Variants in CITED2 observed in about 807,000 individuals in gnomAD.
The protein encoded by CITED2 is Cbp/p300 interacting transactivator with ED-rich tail 2.
A neutral mutation model predicts 11.8 loss-of-function variants in CITED2; 2 were observed. The ratio of observed to expected loss-of-function variants is 0.17; its 90% CI spans 0.07 to 0.54. The LOEUF (loss-of-function observed/expected upper bound fraction) is 0.54. Among genes scored for constraint, CITED2 ranks in the 20% least tolerant of loss-of-function variants. The probability of loss-of-function intolerance (pLI) is 0.94; values close to 1 mark genes in which losing one functional copy is unlikely to be tolerated. For synonymous variants in CITED2, 210 were observed against 153.0 expected (o/e 1.37, Z -2.75); for missense variants, 437 against 390.2 (o/e 1.12, Z -1.01).
At position 139,374,505 on chromosome 6, in the gene CITED2, G is replaced by A. The variant is rs886281249; in HGVS notation, c.-101C>T. 7 of 238,126 alleles carry A rather than the reference G, an allele frequency of 2.9e-5. No homozygotes were observed. The Admixed American group carries it at 3.3e-4, about 11-fold the overall frequency. 14.8% of individuals were successfully genotyped at this position (238,126 alleles called of 1,614,324 possible). ...AGCACATAGAGGGGACCTTCCTGGC[G>A]TGCAAAGCGCTTCGCTGTCGCGATG... On this transcript the variant is annotated 5_prime_UTR_variant, in exon 1 of 2. In the 5' UTR this introduces an upstream ATG that the reference lacks. Transcript: ENST00000367651.
Position 139,373,690 on chromosome 6 carries a change from G to A in CITED2, c.255C>T (p.Ser85=), listed in dbSNP as rs151311908. Residue 85 remains serine (S), a synonymous_variant, in exon 2 of 2, where the codon AGC becomes AGT. Transcript: ENST00000367651. The part of the protein sequence containing the change: ...PGTVNGGHPP[S]ALAPAARFNN... ...TAAACCTGGCCGCGGGGGCCAGCGC[G>A]CTCGGGGGGTGCCCTCCGTTCACAG... 5 of 1,611,012 alleles carry A rather than the reference G, an allele frequency of 3.1e-6. No individual in the cohort carries two copies. The highest frequency in any genetic ancestry group is 4.2e-6 in the Non-Finnish European group (5 of 1,179,722).
Position 139,373,301 on chromosome 6 carries a change from G to A in CITED2, c.644C>T (p.Pro215Leu). ...VAHVPAAMLP[P>L]NVIDTDFIDE... is the part of the protein sequence containing the mutation. The stretch of plus-strand genomic sequence containing the variant: ...GATGAAATCAGTGTCTATGACATTG[G>A]GCGGCAGCATTGCAGCGGGGACGTG... Residue 215 changes from proline (P) to leucine (L), a missense_variant, in exon 2 of 2, where the codon CCC (proline) becomes CTC (leucine). This residue lies in a region of CITED2 where 396 missense variants were observed against 325.2 expected (regional missense o/e 1.22). Transcript: ENST00000367651. 6.2e-7 allele frequency: 1 copy of A among 1,613,692 alleles called. No homozygotes were observed. Among genetic ancestry groups the A allele is most frequent in the Non-Finnish European group, 8.5e-7 (1 of 1,180,016 alleles).
rs752543125 is a variant in CITED2, at chr6:139,373,359, T to TGCC, written c.583_585dup (p.Gly195dup). The TGCC allele has an allele frequency of 2.1e-5, 34 of 1,591,122 alleles. No homozygotes were observed. Among genetic ancestry groups the TGCC allele is most frequent in the Non-Finnish European group, 2.6e-5 (31 of 1,170,730 alleles). On this transcript the variant is annotated inframe_insertion, in exon 2 of 2. Transcript: ENST00000367651. ...GAGGCGGGCATGTTGCCGCTGCCGCTGCCGCCGCCGCTGTTGCTGCTGCCC... is the reference window on the plus strand; with the variant it reads ...GAGGCGGGCATGTTGCCGCTGCCGCTGCCGCCGCCGCCGCTGTTGCTGCTGCCC...
intron 1 of CITED2, chr6:139,374,199 C>G: frequency 7.0e-7 from 1 of 1,437,140 alleles, no homozygotes; most frequent in Admixed American, 2.7e-5. Context: ...GGGACCCGAG[C>G]CCACACCCCC....
chr6:139,371,938 GATA>G lies in CITED2; in HGVS notation c.*1191_*1193del, dbSNP rs565246043. 9.3e-5 allele frequency: 14 copies of G among 151,092 alleles called. 1 individual carries two copies. In the East Asian group the frequency reaches 2.3e-3, roughly 25 times the overall value. The allele number at this position is 151,092 out of a possible 1,614,324, so 9.4% of individuals were successfully genotyped here. A position where few individuals can be genotyped will look rare whatever the true frequency, so the allele number is the denominator to read the frequency against. On this transcript the variant is annotated 3_prime_UTR_variant, in exon 2 of 2. Transcript: ENST00000367651. ...TTTTTGCCTCCTGCCCATTGAAAAA[GATA>G]ATGTTGAGTATTGCAAACCTTTCTA... is the stretch of plus-strand genomic sequence containing the variant.
Position 139,373,290 on chromosome 6 carries a change from C to G in CITED2, c.655G>C (p.Asp219His), listed in dbSNP as rs746639456. The change falls in exon 2 of 2, where the codon GAC (aspartate) becomes CAC (histidine). Residue 219 changes from aspartate to histidine, a missense_variant. Physicochemically the swap from Asp to His is moderately conservative, Grantham distance 81. Around this residue, in one of 3 missense-constraint regions of CITED2, gnomAD observed 396 missense variants for 325.2 expected, o/e 1.22. Coordinates refer to ENST00000367651, the MANE Select transcript of CITED2 (RefSeq NM_006079.5). ...ACTTCCTCGTCGATGAAATCAGTGT[C>G]TATGACATTGGGCGGCAGCATTGCA... ...PAAMLPPNVI[D>H]TDFIDEEVLM... 6.2e-7 allele frequency: 1 copy of G among 1,613,930 alleles called. No homozygotes were observed. The highest frequency in any genetic ancestry group is 1.1e-5 in the South Asian group (1 of 91,086).
rs1778335054 is a variant in CITED2, at chr6:139,374,416, C to T, written c.-12G>A. On this transcript the variant is annotated 5_prime_UTR_variant, in exon 1 of 2. Coordinates refer to ENST00000367651, the MANE Select transcript of CITED2 (RefSeq NM_006079.5). ...CAGCTTCGCCCGTCGCGCTTACCTT[C>T]CGTTTTTGCGATTTCTGCTCCGAAG... 4.6e-6 allele frequency: 2 copies of T among 433,462 alleles called. No homozygotes were observed. Among genetic ancestry groups the T allele is most frequent in the Non-Finnish European group, 8.2e-6 (2 of 244,784 alleles). 26.9% of individuals were successfully genotyped at this position (433,462 alleles called of 1,614,324 possible).
rs1778283515 is a variant in CITED2 at position 139,373,048 on chromosome 6, GAT to G, written c.*82_*83del. The G allele has an allele frequency of 8.1e-6, 10 of 1,229,264 alleles. No homozygotes were observed. In the South Asian group the frequency reaches 1.2e-4, roughly 15 times the overall value. 76.1% of individuals were successfully genotyped at this position (1,229,264 alleles called of 1,614,324 possible). On this transcript the variant is annotated 3_prime_UTR_variant, in exon 2 of 2. Coordinates refer to ENST00000367651, the MANE Select transcript of CITED2 (RefSeq NM_006079.5). ...AAACCTTTCAAGATCTGAAAAGTGA[GAT>G]ACTGTGTCTAAGGGAATGTTTCTTT...
Position 139,373,046 on chromosome 6 carries a change from G to A in CITED2, c.*86C>T. On this transcript the variant is annotated 3_prime_UTR_variant, in exon 2 of 2. Transcript: ENST00000367651. ...TCAAACCTTTCAAGATCTGAAAAGT[G>A]AGATACTGTGTCTAAGGGAATGTTT... 8.2e-6 allele frequency: 10 copies of A among 1,219,982 alleles called. No individual in the cohort carries two copies. Among genetic ancestry groups the A allele is most frequent in the Non-Finnish European group, 1.2e-5 (10 of 822,156 alleles). The allele number at this position is 1,219,982 out of a possible 1,614,324, so 75.6% of individuals were successfully genotyped here. A position where few individuals can be genotyped will look rare whatever the true frequency, so the allele number is the denominator to read the frequency against.
At position 139,372,457 on chromosome 6, in the gene CITED2, A is replaced by T. The variant is rs377226526; in HGVS notation, c.*675T>A. The T allele has an allele frequency of 6.6e-6, 1 of 150,418 alleles. No homozygotes were observed. The highest frequency in any genetic ancestry group is 1.5e-5 in the Non-Finnish European group (1 of 67,732). The allele number at this position is 150,418 out of a possible 1,614,324, so 9.3% of individuals were successfully genotyped here. A position where few individuals can be genotyped will look rare whatever the true frequency, so the allele number is the denominator to read the frequency against. On this transcript the variant is annotated 3_prime_UTR_variant, in exon 2 of 2. Transcript: ENST00000367651. Reference sequence around the variant, plus strand: ...GACAGAAACAAAATAAAAATCTGTGAAATGTTTGCCACTGACGACATTCCA... The same window carrying T: ...GACAGAAACAAAATAAAAATCTGTGTAATGTTTGCCACTGACGACATTCCA...
intron 1 of CITED2, 124 bp downstream of exon 1, chr6:139,374,289 A>C (rs1391052702): frequency 1.0e-6 from 1 of 956,136 alleles, no homozygotes; most frequent in Non-Finnish European, 1.5e-6. Flanking sequence ...AGCCCTCCTC[A>C]TCCTGTTGTT....
In CITED2 at chr6:139,374,466, A is replaced by T; in HGVS notation, c.-62T>A. 2.9e-6 allele frequency: 1 copy of T among 342,572 alleles called. No individual in the cohort carries two copies. The highest frequency in any genetic ancestry group is 5.4e-6 in the Non-Finnish European group (1 of 185,918). 21.2% of individuals were successfully genotyped at this position (342,572 alleles called of 1,614,324 possible). A position where few individuals can be genotyped will look rare whatever the true frequency, so the allele number is the denominator to read the frequency against. ...GACCGAGGGCGGGCTCGTCGCGTCC[A>T]GGACCGGCTCAGCAGCACATAGAGG... On this transcript the variant is annotated 5_prime_UTR_variant, in exon 1 of 2. Transcript: ENST00000367651.
chr6:139,374,185 C>G lies in CITED2; in HGVS notation c.-9+228G>C, dbSNP rs188541960. The stretch of plus-strand genomic sequence containing the variant: ...AACAGCCCCTTCCCCTGCGATCGGG[C>G]GGGGGGACCCGAGCCCACACCCCCT... On this transcript the variant is annotated intron_variant, in intron 1 of 1. Coordinates refer to ENST00000367651, the MANE Select transcript of CITED2 (RefSeq NM_006079.5). 3.9e-3 allele frequency: 5,690 copies of G among 1,441,418 alleles called. 10 individuals are homozygous for G. The highest frequency in any genetic ancestry group is 0.01 in the Middle Eastern group (39 of 3,896). The allele number at this position is 1,441,418 out of a possible 1,614,324, so 89.3% of individuals were successfully genotyped here.
chr6:139,373,459 G>A lies in CITED2; in HGVS notation c.486C>T (p.Gly162=), dbSNP rs1174511407. Reference sequence around the variant, plus strand: ...CCGAGCCGCCGGGGGTGCTGCTGCCGCCGCTGTGCTTGGGGTTGCAATCTC... The same window carrying A: ...CCGAGCCGCCGGGGGTGCTGCTGCCACCGCTGTGCTTGGGGTTGCAATCTC... The part of the protein sequence containing the change: ...HFRDCNPKHS[G]GSSTPGGSGG... Residue 162 remains glycine, a synonymous_variant, in exon 2 of 2, where the codon GGC becomes GGT. Transcript: ENST00000367651. 2.6e-6 allele frequency: 4 copies of A among 1,562,886 alleles called. No homozygotes were observed. Among genetic ancestry groups the A allele is most frequent in the Non-Finnish European group, 3.5e-6 (4 of 1,156,012 alleles).
chr6:139,373,595 T>C lies in CITED2; in HGVS notation c.350A>G (p.Gln117Arg). The change falls in exon 2 of 2, where the codon CAG (glutamine) becomes CGG (arginine). Residue 117 changes from glutamine to arginine, a missense_variant. Around this residue, in one of 3 missense-constraint regions of CITED2, gnomAD observed 396 missense variants for 325.2 expected, o/e 1.22. Transcript: ENST00000367651. ...GGSLPASMQL[Q>R]KLNNQYFNHH... ...GTTGAAATACTGGTTGTTGAGCTTC[T>C]GCAGCTGCATGCTGGCCGGCAGGGA... 6.2e-7 allele frequency: 1 copy of C among 1,614,068 alleles called. No homozygotes were observed. The highest frequency in any genetic ancestry group is 8.5e-7 in the Non-Finnish European group (1 of 1,179,968).
In CITED2 at chr6:139,373,412, C is replaced by A. The variant is rs530916734; in HGVS notation, c.533G>T (p.Gly178Val). 9 of 1,533,532 alleles carry A rather than the reference C, an allele frequency of 5.9e-6. No homozygotes were observed. In the African/African-American group the frequency reaches 1.0e-4, roughly 17 times the overall value. 95.0% of individuals were successfully genotyped at this position (1,533,532 alleles called of 1,614,324 possible). A position where few individuals can be genotyped will look rare whatever the true frequency, so the allele number is the denominator to read the frequency against. The change falls in exon 2 of 2, where the codon GGC becomes GTC. Residue 178 changes from glycine to valine, a missense_variant. Gly to Val is a moderately radical substitution (Grantham distance 109). This residue lies in a region of CITED2 where 396 missense variants were observed against 325.2 expected (regional missense o/e 1.22). Transcript: ENST00000367651. ...GGSGGSSTPG[G>V]SGSSSGGGAG... is the part of the protein sequence containing the mutation. ...GCCGCCGCCCGAGCTGCTGCCAGAG[C>A]CGCCGGGGGTGCTGCTGCCGCCCGA...
chr6:139,373,062 G>C lies in CITED2; in HGVS notation c.*70C>G. 1.5e-6 allele frequency: 2 copies of C among 1,364,902 alleles called. No homozygotes were observed. 84.5% of individuals were successfully genotyped at this position (1,364,902 alleles called of 1,614,324 possible). On this transcript the variant is annotated 3_prime_UTR_variant, in exon 2 of 2. Coordinates refer to ENST00000367651, the MANE Select transcript of CITED2 (RefSeq NM_006079.5). Reference sequence around the variant, plus strand: ...CTGAAAAGTGAGATACTGTGTCTAAGGGAATGTTTCTTTTAATTCACGCCG... The same window carrying C: ...CTGAAAAGTGAGATACTGTGTCTAACGGAATGTTTCTTTTAATTCACGCCG...
At position 139,373,333 on chromosome 6, in the gene CITED2, G is replaced by T. The variant is rs141902989; in HGVS notation, c.612C>A (p.Ser204=). 7.5e-6 allele frequency: 12 copies of T among 1,608,504 alleles called. No individual in the cohort carries two copies. In the African/African-American group the frequency reaches 1.3e-4, roughly 18 times the overall value. Residue 204 remains serine (S), a synonymous_variant, in exon 2 of 2, where the codon TCC becomes TCA. Transcript: ENST00000367651. ...GGSGSGNMPA[S]VAHVPAAMLP... is the part of the protein sequence containing the mutation. Reference sequence around the variant, plus strand: ...GCATTGCAGCGGGGACGTGGGCCACGGAGGCGGGCATGTTGCCGCTGCCGC... The same window carrying T: ...GCATTGCAGCGGGGACGTGGGCCACTGAGGCGGGCATGTTGCCGCTGCCGC...
At position 139,373,633 on chromosome 6, in the gene CITED2, G is replaced by A. The variant is rs371665096; in HGVS notation, c.312C>T (p.Ala104=). The part of the protein sequence containing the change: ...NNSQFMGPPV[A]SQGGSLPASM... ...TGGCCGGCAGGGAGCCTCCCTGGCT[G>A]GCCACCGGGGGACCCATGAACTGGG... Residue 104 remains alanine, a synonymous_variant, in exon 2 of 2, where the codon GCC becomes GCT. Coordinates refer to ENST00000367651, the MANE Select transcript of CITED2 (RefSeq NM_006079.5). The A allele has an allele frequency of 6.2e-7, 1 of 1,613,762 alleles. No homozygotes were observed. The highest frequency in any genetic ancestry group is 8.5e-7 in the Non-Finnish European group (1 of 1,179,904).
Sources: gnomAD v4.1 joint callset for allele counts on GRCh38, gnomAD v4.1.1 for gene constraint, gnomAD v4.1.1 regional missense constraint, MANE v1.5 for transcripts, NCBI Gene and HGNC (gene_info 2026-07-23, HGNC 2026-07-21) for gene names.